The following SH2D4B variants were observed in gnomAD, a reference collection of about 807,000 sequenced individuals.
SH2D4B encodes SH2 domain containing 4B.
A neutral mutation model predicts 61.5 loss-of-function variants in SH2D4B; 45 were observed. That is an observed-to-expected ratio of 0.73 (90% CI 0.58 to 0.94). SH2D4B has a LOEUF of 0.94. SH2D4B is among the 40% of genes least tolerant of loss of function. The probability of loss-of-function intolerance (pLI) is 0.00; values close to 1 mark genes in which losing one functional copy is unlikely to be tolerated. For missense variants in SH2D4B, 572 were observed against 574.2 expected, an observed-to-expected ratio of 1.00 and a Z score of 0.04; for synonymous variants, 224 against 220.4, an observed-to-expected ratio of 1.02 and a Z score of -0.14.
In SH2D4B at chr10:80,578,090, C is replaced by T. The variant is rs181814286; in HGVS notation, c.495+6512C>T. ...GACTCTAGCCATCGTCCCACTTCAG[C>T]CCCCCAAGTAGCTGGGACTACAGGG... is the stretch of plus-strand genomic sequence containing the variant. On this transcript the variant is annotated intron_variant, in intron 3 of 7. Coordinates refer to ENST00000646907, the MANE Select transcript of SH2D4B (RefSeq NM_001388272.1). 4.3e-3 allele frequency among the ~76,000 whole-genome samples: 647 copies of T among 152,132 alleles called. 4 individuals are homozygous for T. Among genetic ancestry groups the T allele is most frequent in the Non-Finnish European group, 8.2e-3 (555 of 67,996 alleles).
chr10:80,643,944 A>G (rs1467977783), intron 7 of SH2D4B, 49 bp from the exon 8 acceptor site: 10 of 1,457,108 alleles, frequency 6.9e-6, no homozygotes, highest in Admixed American at 5.1e-5. Context: ...ATAGATGTGT[A>G]TTTCCCTGTC....
chr10:80,634,149 C>T, intron 6 of SH2D4B, 136 bp from the exon 7 acceptor site: 1 of 1,227,992 alleles, frequency 8.1e-7, no homozygotes, highest in Non-Finnish European at 1.1e-6. Context: ...GGGGCTCTTT[C>T]CTTCCTGCCA....
chr10:80,606,266 C>CT (rs201730892), intron 5 of SH2D4B, among the ~76,000 whole-genome samples: 3,679 of 139,062 alleles, frequency 0.026, 49 homozygotes, highest in Middle Eastern at 0.066. Flanking sequence ...TATTTATACT[C>CT]TTTTTTTTTT....
At chr10:80,580,727 G>A (rs534067957) in intron 3 of SH2D4B, among the ~76,000 whole-genome samples, 1 of 152,288 alleles carries the variant, frequency 6.6e-6, no homozygotes, top group East Asian at 1.9e-4. Context: ...TTGTCTTGAT[G>A]ACATTTTCCA....
Position 80,590,424 on chromosome 10 carries a change from C to T in SH2D4B, c.643+1647C>T, listed in dbSNP as rs548410563. 5.8e-4 allele frequency among the ~76,000 whole-genome samples: 88 copies of T among 152,206 alleles called. 1 individual carries two copies. Among genetic ancestry groups the T allele is most frequent in the Admixed American group, 2.8e-3 (43 of 15,290 alleles). ...ACGAATTGGCTATTCCTGGGAGGGG[C>T]AATCTCTCCAGAATCAGAAAGGCCT... On this transcript the variant is annotated intron_variant, in intron 4 of 7. Transcript: ENST00000646907.
chr10:80,625,518 T>C (rs1284043757), intron 6 of SH2D4B, among the ~76,000 whole-genome samples: 1 of 152,154 alleles, frequency 6.6e-6, no homozygotes, highest in African/African-American at 2.4e-5. Flanking sequence ...TTTGTATTTT[T>C]AAAATTGTTT....
intron 1 of SH2D4B, among the ~76,000 whole-genome samples, chr10:80,565,972 T>C (rs917829035): frequency 2.0e-5 from 3 of 150,616 alleles, no homozygotes; most frequent in Non-Finnish European, 4.4e-5. Flanking sequence ...GCGCCTATAA[T>C]CCCAGCTACT....
chr10:80,640,642 G>T (rs1340173907), intron 7 of SH2D4B, among the ~76,000 whole-genome samples: 2 of 152,128 alleles, frequency 1.3e-5, no homozygotes, highest in African/African-American at 4.8e-5. Flanking sequence ...GCTCCATCAG[G>T]TCATTTAAGG....
chr10:80,585,897 C>T (rs1420091046), intron 3 of SH2D4B, among the ~76,000 whole-genome samples: 8 of 151,892 alleles, frequency 5.3e-5, no homozygotes, highest in South Asian at 4.2e-4. Context: ...AAGCAGGAAC[C>T]GGGGCTGCAC....
intron 7 of SH2D4B, chr10:80,643,041 A>G (rs896965560): frequency 2.0e-5 from 3 of 152,594 alleles, no homozygotes; most frequent in African/African-American, 7.2e-5. Context: ...TTTCACGGCC[A>G]CTTGGATTTC....
chr10:80,576,448 A>G (rs1842125994), intron 3 of SH2D4B, among the ~76,000 whole-genome samples: 2 of 152,246 alleles, frequency 1.3e-5, no homozygotes. Context: ...GAGGCTCATT[A>G]GGGCACTATC....
intron 5 of SH2D4B, among the ~76,000 whole-genome samples, chr10:80,608,727 T>G (rs1262747749): frequency 6.6e-6 from 1 of 152,056 alleles, no homozygotes; most frequent in Non-Finnish European, 1.5e-5. Context: ...ATTCCATCCG[T>G]AGTTACCAAC....
chr10:80,543,178 G>A (rs1841606435), intron 1 of SH2D4B, among the ~76,000 whole-genome samples: 1 of 152,176 alleles, frequency 6.6e-6, no homozygotes, highest in South Asian at 2.1e-4. Flanking sequence ...CACTTGAGGA[G>A]CCCTTCAGCC....
chr10:80,546,296 C>G (rs1338566744), intron 1 of SH2D4B, among the ~76,000 whole-genome samples: 3 of 152,100 alleles, frequency 2.0e-5, no homozygotes, highest in Non-Finnish European at 2.9e-5. Flanking sequence ...AATCCACCAG[C>G]CTTGGCCTCC....
In SH2D4B at chr10:80,539,092, C is replaced by T. The variant is rs1026334330; in HGVS notation, c.184+577C>T. On this transcript the variant is annotated intron_variant, in intron 1 of 7. Coordinates refer to ENST00000646907, the MANE Select transcript of SH2D4B (RefSeq NM_001388272.1). The surrounding 1 kb of genome is among the most constrained non-coding windows in gnomAD (Gnocchi z 4.9). The stretch of plus-strand genomic sequence containing the variant: ...GTCCCACACAATGAATGACCATCCC[C>T]AAATGGTCGTAGCAACTGCAGATGA... Among the ~76,000 whole-genome samples the T allele has an allele frequency of 1.3e-5, 2 of 152,218 alleles. No homozygotes were observed. Among genetic ancestry groups the T allele is most frequent in the African/African-American group, 2.4e-5 (1 of 41,464 alleles).
intron 6 of SH2D4B, among the ~76,000 whole-genome samples, chr10:80,633,107 G>C (rs977493284): frequency 1.3e-5 from 2 of 151,854 alleles, no homozygotes. Context: ...GTGATGGGAG[G>C]GGAGCCTGAC....
chr10:80,565,238 G>A (rs1366992864), intron 1 of SH2D4B, among the ~76,000 whole-genome samples: 1 of 152,118 alleles, frequency 6.6e-6, no homozygotes, highest in African/African-American at 2.4e-5. Context: ...GTCCTTCTCA[G>A]GCCATATTTA....
At position 80,644,168 on chromosome 10, in the gene SH2D4B, C is replaced by T. The variant is rs1368771453; in HGVS notation, c.*83C>T. 24 of 1,105,488 alleles carry T rather than the reference C, an allele frequency of 2.2e-5. No homozygotes were observed. The highest frequency in any genetic ancestry group is 2.8e-5 in the Non-Finnish European group (21 of 737,550). 68.5% of individuals were successfully genotyped at this position (1,105,488 alleles called of 1,614,324 possible). On this transcript the variant is annotated 3_prime_UTR_variant, in exon 8 of 8. Coordinates refer to ENST00000646907, the MANE Select transcript of SH2D4B (RefSeq NM_001388272.1). ...AACTTCTCATCTCAAATCCTATGGC[C>T]TTCTGGAAGATCCACCACTATCCAA...
chr10:80,543,645 C>T (rs559200743), intron 1 of SH2D4B, among the ~76,000 whole-genome samples: 114 of 152,198 alleles, frequency 7.5e-4, no homozygotes, highest in Non-Finnish European at 1.4e-3. Flanking sequence ...AGCCCCAGTG[C>T]GGGATCCACT....
Sources: allele counts gnomAD v4.1 joint callset (sites outside exome capture counted in the v4.1 genomes callset), GRCh38; gene constraint gnomAD v4.1.1; non-coding constraint Gnocchi (gnomAD v3.1); transcripts MANE v1.5; gene names NCBI Gene and HGNC (gene_info 2026-07-23, HGNC 2026-07-21).